Variants in ADAP1 observed in about 807,000 individuals in gnomAD.
ADAP1 encodes the protein ArfGAP with dual PH domains 1.
In ADAP1, 31 loss-of-function variants were observed where a neutral mutation model predicts 54.9. The ratio of observed to expected loss-of-function variants is 0.56; its 90% CI spans 0.42 to 0.76. The LOEUF (loss-of-function observed/expected upper bound fraction) is 0.76, where lower values mean the gene tolerates loss of function less well. Ranked by LOEUF, ADAP1 falls within the 30% of genes least tolerant of loss-of-function variation. The probability of loss-of-function intolerance (pLI) is 0.00; values close to 1 mark genes in which losing one functional copy is unlikely to be tolerated. For missense variants in ADAP1, 535 were observed against 512.4 expected (o/e 1.04, Z -0.42); for synonymous variants, 313 against 202.6 (o/e 1.55, Z -4.63).
chr7:928,743 G>A (rs1846469449), intron 2 of ADAP1, among the ~76,000 whole-genome samples: 2 of 152,338 alleles, frequency 1.3e-5, no homozygotes, highest in South Asian at 2.1e-4. Flanking sequence ...CAGAGCCCCC[G>A]CACGCTGCTG....
At position 954,419 on chromosome 7, in the gene ADAP1, C is replaced by T. The variant is rs1295557027; in HGVS notation, c.59G>A (p.Arg20His). 6.1e-6 allele frequency: 7 copies of T among 1,139,496 alleles called. No homozygotes were observed. The highest frequency in any genetic ancestry group is 2.0e-5 in the South Asian group (1 of 50,828). 70.6% of individuals were successfully genotyped at this position (1,139,496 alleles called of 1,614,324 possible). A position where few individuals can be genotyped will look rare whatever the true frequency, so the allele number is the denominator to read the frequency against. Residue 20 changes from arginine to histidine, a missense_variant, in exon 1 of 11, where the codon CGC becomes CAC. Arg to His is a conservative substitution (Grantham distance 29). Coordinates refer to ENST00000265846, the MANE Select transcript of ADAP1 (RefSeq NM_006869.4). The part of the protein sequence containing the change: ...LELLQRPGNA[R>H]CADCGAPDPD... Reference sequence around the variant, plus strand: ...ACCCGGGGCGCCGCAGTCCGCGCAGCGCGCGTTCCCCGGCCGCTGCAGCAG... The same window carrying T: ...ACCCGGGGCGCCGCAGTCCGCGCAGTGCGCGTTCCCCGGCCGCTGCAGCAG...
Position 920,140 on chromosome 7 carries a change from A to C in ADAP1, c.306-90T>G. 8.5e-7 allele frequency: 1 copy of C among 1,175,972 alleles called. No individual in the cohort carries two copies. Among genetic ancestry groups the C allele is most frequent in the Non-Finnish European group, 1.2e-6 (1 of 825,352 alleles). The allele number at this position is 1,175,972 out of a possible 1,614,324, so 72.8% of individuals were successfully genotyped here. ...TCTGGCCCGGACCCTGGACATCTCA[A>C]GAGGCTCATAGGGACCCCCGGCAGA... On this transcript the variant is annotated intron_variant, in intron 3 of 10. Transcript: ENST00000265846. This position sits in a 1 kb window ranked among gnomAD's most constrained non-coding sequence, Gnocchi z 4.5.
At chr7:909,849 G>A (rs1358799789) in intron 4 of ADAP1, among the ~76,000 whole-genome samples, 2 of 145,948 alleles carry the variant, frequency 1.4e-5, no homozygotes, top group Non-Finnish European at 3.1e-5. Context: ...CGGGTCCTAT[G>A]GTGTGGGGTG....
In ADAP1 at chr7:935,626, C is replaced by T. The variant is rs1386633881; in HGVS notation, c.83-121G>A. ...TGGGGGGGGCTTCAGCGGAGACCCC[C>T]GGGTACACCAGGCTCCGTGCGCCCC... On this transcript the variant is annotated intron_variant, in intron 1 of 10. Coordinates refer to ENST00000265846, the MANE Select transcript of ADAP1 (RefSeq NM_006869.4). 7 of 1,308,442 alleles carry T rather than the reference C, an allele frequency of 5.3e-6. No individual in the cohort carries two copies. The Admixed American group carries it at 1.3e-4, about 23-fold the overall frequency. The allele number at this position is 1,308,442 out of a possible 1,614,324, so 81.1% of individuals were successfully genotyped here. A position where few individuals can be genotyped will look rare whatever the true frequency, so the allele number is the denominator to read the frequency against.
In ADAP1 at chr7:924,355, CCGGGTTACACTG is replaced by C. The variant is rs1246559355; in HGVS notation, c.305+2186_305+2197del. The stretch of plus-strand genomic sequence containing the variant: ...AGGTCCACGCTGCACCCCCCACCCT[CCGGGTTACACTG>C]CAGGTCCACGCTGCACCCCCCGCCC... On this transcript the variant is annotated intron_variant, in intron 3 of 10. Transcript: ENST00000265846. 2.5e-4 allele frequency among the ~76,000 whole-genome samples: 3 copies of C among 12,208 alleles called. 1 individual carries two copies. Among genetic ancestry groups the C allele is most frequent in the African/African-American group, 1.6e-3 (2 of 1,238 alleles). 8.0% of individuals were successfully genotyped at this position (12,208 alleles called of 152,430 possible).
rs368329171 is a variant in ADAP1, at chr7:904,186, C to T, written c.588G>A (p.Gln196=). 6.2e-7 allele frequency: 1 copy of T among 1,612,324 alleles called. No individual in the cohort carries two copies. Among genetic ancestry groups the T allele is most frequent in the Non-Finnish European group, 8.5e-7 (1 of 1,179,692 alleles). Residue 196 remains glutamine (Q), a synonymous_variant, in exon 6 of 11, where the codon CAG becomes CAA. Coordinates refer to ENST00000265846, the MANE Select transcript of ADAP1 (RefSeq NM_006869.4). ...TGCTGTTGTCCTTCAGGTAGGTGAC[C>T]TGCAGGCCGTGGGGGTGGCCGATCT... ...PAKIGHPHGL[Q]VTYLKDNSTR...
rs1036715827 is a variant in ADAP1, at chr7:938,653, G to A, written c.83-3148C>T. On this transcript the variant is annotated intron_variant, in intron 1 of 10. Transcript: ENST00000265846. This position sits in a 1 kb window ranked among gnomAD's most constrained non-coding sequence, Gnocchi z 4.4. Reference sequence around the variant, plus strand: ...TGTGCGAGGGGCGCCCAGAAGGCACGCCAGTCTCCGGGCCTCGGTCTCCTC... The same window carrying A: ...TGTGCGAGGGGCGCCCAGAAGGCACACCAGTCTCCGGGCCTCGGTCTCCTC... 4.6e-5 allele frequency among the ~76,000 whole-genome samples: 7 copies of A among 152,282 alleles called. No individual in the cohort carries two copies. The South Asian group carries it at 6.2e-4, about 14-fold the overall frequency.
At chr7:912,141 C>T (rs1845750497) in intron 4 of ADAP1, among the ~76,000 whole-genome samples, 1 of 152,160 alleles carries the variant, frequency 6.6e-6, no homozygotes, top group Non-Finnish European at 1.5e-5. Context: ...ACGGTCGGCC[C>T]ATCCCTGCCT....
intron 2 of ADAP1, chr7:927,561 A>C (rs992395173): frequency 2.2e-6 from 1 of 464,930 alleles, no homozygotes; most frequent in Admixed American, 2.4e-5. Flanking sequence ...TCCGAGGATC[A>C]CATGGCAGTA....
chr7:904,919 C>G, intron 5 of ADAP1, 141 bp downstream of exon 5: 1 of 729,384 alleles, frequency 1.4e-6, no homozygotes, highest in Non-Finnish European at 2.3e-6. Context: ...CCAACACAGG[C>G]CGGTTCTCCT....
chr7:904,057 C>T lies in ADAP1; in HGVS notation c.648+69G>A, dbSNP rs1040719921. The stretch of plus-strand genomic sequence containing the variant: ...CCCGTACCGTCCAAGCACCCACCTT[C>T]CTGCGCCACCCGGGCCTGAGGGCCC... On this transcript the variant is annotated intron_variant, in intron 6 of 10. Transcript: ENST00000265846. The T allele has an allele frequency of 9.4e-6, 15 of 1,593,914 alleles. No individual in the cohort carries two copies. The African/African-American group carries it at 2.0e-4, about 21-fold the overall frequency.
intron 7 of ADAP1, 47 bp downstream of exon 7, chr7:900,486 C>G (rs750518098): frequency 7.2e-7 from 1 of 1,396,558 alleles, no homozygotes; most frequent in South Asian, 1.2e-5. Context: ...ACCCCCCACC[C>G]CACCACCCCT....
At chr7:930,101 C>CAAAA (rs1170304660) in intron 2 of ADAP1, among the ~76,000 whole-genome samples, 20 of 33,292 alleles carry the variant, frequency 6.0e-4, no homozygotes, top group African/African-American at 2.6e-3. Context: ...AAGACTGTCT[C>CAAAA]AAAAAAAAAA....
chr7:951,707 C>A (rs146126077), intron 1 of ADAP1, among the ~76,000 whole-genome samples: 168 of 152,356 alleles, frequency 1.1e-3, no homozygotes, highest in African/African-American at 3.8e-3. Flanking sequence ...TGCACTCCAG[C>A]CTGGGTGACA....
rs1477906011 is a variant in ADAP1 at position 898,056 on chromosome 7, G to A, written c.*865C>T. Reference sequence around the variant, plus strand: ...GCTGGGAGAGGGCTGGGCCCCCCAGGTGACCTGCAGACGCCTCCCCCACCT... The same window carrying A: ...GCTGGGAGAGGGCTGGGCCCCCCAGATGACCTGCAGACGCCTCCCCCACCT... On this transcript the variant is annotated 3_prime_UTR_variant, in exon 11 of 11. Transcript: ENST00000265846. 6.6e-6 allele frequency: 1 copy of A among 152,302 alleles called. No homozygotes were observed. Among genetic ancestry groups the A allele is most frequent in the Non-Finnish European group, 1.5e-5 (1 of 68,106 alleles). 9.4% of individuals were successfully genotyped at this position (152,302 alleles called of 1,614,324 possible).
intron 3 of ADAP1, among the ~76,000 whole-genome samples, chr7:921,319 A>T (rs759485680): frequency 2.0e-4 from 31 of 152,084 alleles, no homozygotes; most frequent in Non-Finnish European, 4.3e-4. Context: ...ATCTGCAAAG[A>T]TCCTACTTTT....
intron 7 of ADAP1, 87 bp from the exon 8 acceptor site, chr7:900,251 A>T: frequency 6.6e-7 from 1 of 1,507,668 alleles, no homozygotes; most frequent in Non-Finnish European, 9.2e-7. Context: ...TGCTCCCCTC[A>T]CCCCGGGCCA....
In ADAP1 at chr7:905,116, G is replaced by A. The variant is rs754432543; in HGVS notation, c.445C>T (p.Arg149Trp). ...RGRDNGQFLS[R>W]KFVLTEREGA... ...TCTCGTTCTGTCAGCACAAACTTCC[G>A]GCTCAAAAACTGCCCGTTGTCCCGG... is the stretch of plus-strand genomic sequence containing the variant. Residue 149 changes from arginine to tryptophan, a missense_variant, in exon 5 of 11, where the codon CGG becomes TGG. Physicochemically the swap from Arg to Trp is moderately radical, Grantham distance 101 (BLOSUM62 -3). Transcript: ENST00000265846. 1.7e-5 allele frequency: 27 copies of A among 1,612,490 alleles called. No homozygotes were observed. Among genetic ancestry groups the A allele is most frequent in the Non-Finnish European group, 2.3e-5 (27 of 1,179,914 alleles).
intron 1 of ADAP1, among the ~76,000 whole-genome samples, chr7:953,171 G>C (rs1305729415): frequency 6.6e-6 from 1 of 152,228 alleles, no homozygotes; most frequent in Non-Finnish European, 1.5e-5. Flanking sequence ...AGTCTGGGGT[G>C]AGCCAGCCCA....
Sources: allele counts gnomAD v4.1 joint callset (sites outside exome capture counted in the v4.1 genomes callset), GRCh38; gene constraint gnomAD v4.1.1; non-coding constraint Gnocchi (gnomAD v3.1); transcripts MANE v1.5; gene names NCBI Gene and HGNC (gene_info 2026-07-23, HGNC 2026-07-21).